Variants in FAM83A observed in about 807,000 individuals in gnomAD.
FAM83A encodes protein FAM83A.
Under a neutral mutation model 24.4 loss-of-function variants are expected in FAM83A, and 21 were observed. The ratio of observed to expected loss-of-function variants is 0.86; its 90% CI spans 0.61 to 1.24. The LOEUF (loss-of-function observed/expected upper bound fraction) is 1.24. Ranked by LOEUF, FAM83A falls within the 50% of genes most tolerant of loss-of-function variation. FAM83A has a pLI of 0.00. For synonymous variants in FAM83A, 270 were observed against 252.4 expected (o/e 1.07, Z -0.66); for missense variants, 617 against 579.8 (o/e 1.06, Z -0.66).
chr8:123,187,913 T>G, intron 1 of FAM83A, among the ~76,000 whole-genome samples: 1 of 152,044 alleles, frequency 6.6e-6, no homozygotes, highest in Admixed American at 6.6e-5. Context: ...CAGGCTGGAG[T>G]GCAATGGCGC....
exon 4 of FAM83A, chr8:123,208,965 G>GAAA: frequency 5.5e-6 from 5 of 908,096 alleles, no homozygotes; most frequent in African/African-American, 2.2e-5. Flanking sequence ...CTCCGTCACA[G>GAAA]AAAAAAAAAA....
chr8:123,196,265 GC>G (rs1563785423), intron 3 of FAM83A, among the ~76,000 whole-genome samples: 1 of 152,182 alleles, frequency 6.6e-6, no homozygotes, highest in African/African-American at 2.4e-5. Flanking sequence ...ACCCACCTCA[GC>G]CCCCCAAAGT....
At chr8:123,197,589 T>G (rs553691581) in intron 3 of FAM83A, among the ~76,000 whole-genome samples, 44 of 152,292 alleles carry the variant, frequency 2.9e-4, no homozygotes, top group African/African-American at 1.1e-3. Flanking sequence ...TTGGGTTGTT[T>G]CCCCCTTTCG....
At position 123,183,638 on chromosome 8, in the gene FAM83A, CCT is replaced by C. The variant is rs762244271; in HGVS notation, c.480+307_480+308del. ...TCCATACTGCAGTAAAGTGGCTTTT[CCT>C]CTCTTTCTTTTTTTTTCTTTTTTTT... is the stretch of plus-strand genomic sequence containing the variant. On this transcript the variant is annotated intron_variant, in intron 1 of 3. Coordinates refer to ENST00000690554, the Ensembl canonical transcript of FAM83A. Among the ~76,000 whole-genome samples the C allele has an allele frequency of 1.1e-4, 17 of 151,830 alleles. No homozygotes were observed. The South Asian group carries it at 3.4e-3, about 30-fold the overall frequency.
At chr8:123,188,696 TG>T in intron 1 of FAM83A, among the ~76,000 whole-genome samples, 1 of 152,140 alleles carries the variant, frequency 6.6e-6, no homozygotes, top group Non-Finnish European at 1.5e-5. Flanking sequence ...TTGCCCAGGT[TG>T]GTTTCAAACT....
In FAM83A at chr8:123,209,327, C is replaced by T; in HGVS notation, c.*1639C>T. 1 of 1,428,928 alleles carries T rather than the reference C, an allele frequency of 7.0e-7. No homozygotes were observed. Among genetic ancestry groups the T allele is most frequent in the Non-Finnish European group, 9.1e-7 (1 of 1,098,022 alleles). The allele number at this position is 1,428,928 out of a possible 1,614,324, so 88.5% of individuals were successfully genotyped here. On this transcript the variant is annotated 3_prime_UTR_variant, in exon 4 of 4. Transcript: ENST00000690554. This position sits in a 1 kb window ranked among gnomAD's most constrained non-coding sequence, Gnocchi z 4.7. ...ATCCCTCTGTTCCAATTCTCCACTG[C>T]TCCCAGCATGATCTGGGGCATCTTG...
At chr8:123,192,933 G>C (rs1206777587) in intron 2 of FAM83A, 1 of 152,262 alleles carries the variant, frequency 6.6e-6, no homozygotes, top group Non-Finnish European at 1.5e-5. Flanking sequence ...ATAGGACAAT[G>C]GTGTCCCTCC....
In FAM83A at chr8:123,209,694, G is replaced by A; in HGVS notation, c.*2006G>A. ...GTGCCTGTGTCGAGCTCAGTCCTGG[G>A]AGATAGGGGAGAACCTGCAGGCAGG... On this transcript the variant is annotated 3_prime_UTR_variant, in exon 4 of 4. Coordinates refer to ENST00000690554, the Ensembl canonical transcript of FAM83A. The surrounding 1 kb of genome is among the most constrained non-coding windows in gnomAD (Gnocchi z 4.7). The A allele has an allele frequency of 1.2e-6, 1 of 833,250 alleles. No individual in the cohort carries two copies. The highest frequency in any genetic ancestry group is 1.9e-6 in the Non-Finnish European group (1 of 529,506). The allele number at this position is 833,250 out of a possible 1,614,324, so 51.6% of individuals were successfully genotyped here. A position where few individuals can be genotyped will look rare whatever the true frequency, so the allele number is the denominator to read the frequency against.
chr8:123,207,567 C>A, exon 4 of FAM83A: 1 of 1,567,300 alleles, frequency 6.4e-7, no homozygotes, highest in Non-Finnish European at 8.6e-7. Context: ...GGCCCGCCCG[C>A]CGCTGTCTAC....
chr8:123,203,866 A>G (rs1263069235), intron 3 of FAM83A, among the ~76,000 whole-genome samples: 1 of 150,966 alleles, frequency 6.6e-6, no homozygotes, highest in East Asian at 2.0e-4. Flanking sequence ...CTGAGGCAGA[A>G]GAAGCGCTTG....
chr8:123,181,755 C>A, upstream of FAM83A: 1 of 305,354 alleles, frequency 3.3e-6, no homozygotes, highest in Non-Finnish European at 6.6e-6. Flanking sequence ...ACAGCAGTGG[C>A]CTGCTCCTCA....
chr8:123,202,093 A>G (rs1392896215), intron 3 of FAM83A: 2 of 152,400 alleles, frequency 1.3e-5, no homozygotes, highest in African/African-American at 4.8e-5. Flanking sequence ...ACTGCCATCC[A>G]TGGGTTTTCT....
intron 3 of FAM83A, among the ~76,000 whole-genome samples, chr8:123,194,854 T>C (rs1282503205): frequency 1.3e-5 from 2 of 152,220 alleles, no homozygotes; most frequent in Non-Finnish European, 1.5e-5. Flanking sequence ...AGTGTTGGGA[T>C]TACAGGCATG....
rs1324596790 is a variant in FAM83A at position 123,208,616 on chromosome 8, A to C, written c.*928A>C. ...CCCATCATTCATTTCTTCTCAATTCACAGTGCCCCTCTTTGTTTCTGGGGT... is the reference window on the plus strand; with the variant it reads ...CCCATCATTCATTTCTTCTCAATTCCCAGTGCCCCTCTTTGTTTCTGGGGT... On this transcript the variant is annotated 3_prime_UTR_variant, in exon 4 of 4. Coordinates refer to ENST00000690554, the Ensembl canonical transcript of FAM83A. The C allele has an allele frequency of 4.1e-6, 4 of 985,332 alleles. No individual in the cohort carries two copies. The African/African-American group carries it at 7.0e-5, about 17-fold the overall frequency. 61.0% of individuals were successfully genotyped at this position (985,332 alleles called of 1,614,324 possible). A position where few individuals can be genotyped will look rare whatever the true frequency, so the allele number is the denominator to read the frequency against.
chr8:123,209,338 A>G lies in FAM83A; in HGVS notation c.*1650A>G, dbSNP rs1460574387. ...CCAATTCTCCACTGCTCCCAGCATG[A>G]TCTGGGGCATCTTGGCTTCTGGTTT... On this transcript the variant is annotated 3_prime_UTR_variant, in exon 4 of 4. Transcript: ENST00000690554. This position sits in a 1 kb window ranked among gnomAD's most constrained non-coding sequence, Gnocchi z 4.7. 6.9e-7 allele frequency: 1 copy of G among 1,448,510 alleles called. No individual in the cohort carries two copies. The highest frequency in any genetic ancestry group is 2.6e-5 in the Admixed American group (1 of 37,840). The allele number at this position is 1,448,510 out of a possible 1,614,324, so 89.7% of individuals were successfully genotyped here.
intron 3 of FAM83A, among the ~76,000 whole-genome samples, chr8:123,195,597 A>T (rs1824122016): frequency 6.6e-6 from 1 of 152,162 alleles, no homozygotes; most frequent in Non-Finnish European, 1.5e-5. Context: ...CTTATAAACA[A>T]TGGAAACCCA....
upstream of FAM83A, chr8:123,182,618 C>T (rs552712981): frequency 5.6e-6 from 4 of 709,290 alleles, no homozygotes; most frequent in African/African-American, 5.2e-5. Flanking sequence ...GGCCCGAGGG[C>T]AGGGCAGGTG....
chr8:123,209,252 T>G lies in FAM83A; in HGVS notation c.*1564T>G. The G allele has an allele frequency of 7.9e-7, 1 of 1,269,468 alleles. No individual in the cohort carries two copies. 78.6% of individuals were successfully genotyped at this position (1,269,468 alleles called of 1,614,324 possible). On this transcript the variant is annotated 3_prime_UTR_variant, in exon 4 of 4. Coordinates refer to ENST00000690554, the Ensembl canonical transcript of FAM83A. This position sits in a 1 kb window ranked among gnomAD's most constrained non-coding sequence, Gnocchi z 4.7. ...CACAGAGCTCTTCCTCCTGGTGGCC[T>G]CTGACCCCTGACGGCCTGTGGCATC...
At chr8:123,195,268 G>A (rs1031547678) in intron 3 of FAM83A, among the ~76,000 whole-genome samples, 7 of 152,316 alleles carry the variant, frequency 4.6e-5, no homozygotes, top group Admixed American at 3.9e-4. Context: ...GGGAGTGGAA[G>A]GCAGGTTTCC....
Sources: gnomAD v4.1 joint callset for allele counts (sites outside exome capture counted in the v4.1 genomes callset) on GRCh38, gnomAD v4.1.1 for gene constraint, Gnocchi (gnomAD v3.1) non-coding constraint, MANE v1.5 for transcripts, NCBI Gene and HGNC (gene_info 2026-07-23, HGNC 2026-07-21) for gene names.